The following SCHIP1 variants were observed in gnomAD, a reference collection of about 807,000 sequenced individuals.
SCHIP1 encodes schwannomin interacting protein 1, also known as schwannomin-interacting protein 1.
In SCHIP1, 8 loss-of-function variants were observed where a neutral mutation model predicts 29.7. That is an observed-to-expected ratio of 0.27 (90% CI 0.16 to 0.49). The LOEUF is 0.49. Among genes scored for constraint, SCHIP1 ranks in the 20% least tolerant of loss-of-function variants. The probability of loss-of-function intolerance (pLI) is 0.99; values close to 1 mark genes in which losing one functional copy is unlikely to be tolerated. For synonymous variants in SCHIP1, 76 were observed against 94.9 expected (o/e 0.80, Z 1.16); for missense variants, 193 against 294.6 (o/e 0.66, Z 2.52).
the SCHIP1 span, among the ~76,000 whole-genome samples, chr3:159,315,289 C>G: frequency 2.6e-5 from 4 of 150,974 alleles, no homozygotes; most frequent in Admixed American, 6.6e-5. Flanking sequence ...AGCTCCGCCT[C>G]CCGGGTTCAC....
At chr3:159,365,905 C>A in the SCHIP1 span, among the ~76,000 whole-genome samples, 3 of 152,160 alleles carry the variant, frequency 2.0e-5, no homozygotes, top group Non-Finnish European at 4.4e-5. Flanking sequence ...ATCCTTTTGG[C>A]AGGCTTTTCT....
At chr3:159,789,368 T>C in the SCHIP1 span, among the ~76,000 whole-genome samples, 5 of 152,216 alleles carry the variant, frequency 3.3e-5, no homozygotes, top group African/African-American at 9.7e-5. Flanking sequence ...TTACTTAGAA[T>C]TGACTGATTT....
chr3:159,804,414 T>C, the SCHIP1 span, among the ~76,000 whole-genome samples: 1 of 152,150 alleles, frequency 6.6e-6, no homozygotes, highest in Non-Finnish European at 1.5e-5. Flanking sequence ...GCTAAGGACA[T>C]GGTAAGGAAA....
At chr3:159,796,897 C>T in the SCHIP1 span, among the ~76,000 whole-genome samples, 5 of 152,154 alleles carry the variant, frequency 3.3e-5, no homozygotes, top group African/African-American at 7.2e-5. Context: ...TGTCTTTCTT[C>T]CCGATGATGT....
chr3:159,674,378 T>C, the SCHIP1 span, among the ~76,000 whole-genome samples: 1 of 152,082 alleles, frequency 6.6e-6, no homozygotes, highest in African/African-American at 2.4e-5. Flanking sequence ...TTACAGAAAG[T>C]GCCCCTGAGA....
chr3:159,548,877 G>A, the SCHIP1 span, among the ~76,000 whole-genome samples: 2 of 151,966 alleles, frequency 1.3e-5, no homozygotes, highest in Admixed American at 6.6e-5. Flanking sequence ...GTTATCTCAG[G>A]TTTAGTCACC....
chr3:159,400,562 T>C, the SCHIP1 span, among the ~76,000 whole-genome samples: 1 of 152,234 alleles, frequency 6.6e-6, no homozygotes, highest in African/African-American at 2.4e-5. Context: ...TGTCTGTTAT[T>C]GGAGCTGTTG....
chr3:159,687,027 A>G, the SCHIP1 span, among the ~76,000 whole-genome samples: 775 of 152,200 alleles, frequency 5.1e-3, 10 homozygotes, highest in Admixed American at 0.024. Flanking sequence ...ACTCCTGTCA[A>G]TCTCAACTAT....
chr3:159,445,718 T>TC, the SCHIP1 span, among the ~76,000 whole-genome samples: 1 of 152,066 alleles, frequency 6.6e-6, no homozygotes, highest in African/African-American at 2.4e-5. Context: ...TGAGTTCATG[T>TC]CTTTGTAGGG....
At chr3:159,629,215 G>T in the SCHIP1 span, among the ~76,000 whole-genome samples, 1 of 151,730 alleles carries the variant, frequency 6.6e-6, no homozygotes, top group East Asian at 1.9e-4. Flanking sequence ...GGAGGTCCAG[G>T]CTGCAGTGAC....
the SCHIP1 span, among the ~76,000 whole-genome samples, chr3:159,641,477 T>C: frequency 6.6e-6 from 1 of 152,176 alleles, no homozygotes; most frequent in Non-Finnish European, 1.5e-5. Context: ...ATCAATTTCA[T>C]GGAGATGAGT....
At chr3:159,882,260 C>G (rs1200091651) in intron 2 of SCHIP1, among the ~76,000 whole-genome samples, 1 of 152,102 alleles carries the variant, frequency 6.6e-6, no homozygotes, top group Non-Finnish European at 1.5e-5. Flanking sequence ...GATTATACAG[C>G]CCCGGGAGAG....
At chr3:159,663,582 A>T in the SCHIP1 span, among the ~76,000 whole-genome samples, 1 of 152,294 alleles carries the variant, frequency 6.6e-6, no homozygotes, top group Admixed American at 6.5e-5. Flanking sequence ...AACAGTACCT[A>T]ACTCAGTGTT....
chr3:159,405,906 G>A, the SCHIP1 span, among the ~76,000 whole-genome samples: 2 of 147,710 alleles, frequency 1.4e-5, no homozygotes, highest in South Asian at 2.1e-4. Context: ...GAAAAGAAAA[G>A]GAAAATGCAC....
At chr3:159,626,161 TCTAGATATATCTATCTATCTAG>T in the SCHIP1 span, among the ~76,000 whole-genome samples, 867 of 110,112 alleles carry the variant, frequency 7.9e-3, 87 homozygotes, top group African/African-American at 0.048. Context: ...TATATATATA[TCTAGATATATCTATCTATCTAG>T]ATAGATAGAT....
At chr3:159,479,621 T>C in the SCHIP1 span, among the ~76,000 whole-genome samples, 2 of 152,282 alleles carry the variant, frequency 1.3e-5, no homozygotes, top group South Asian at 4.1e-4. Context: ...TCAATTTCAT[T>C]TTGCACTGGA....
the SCHIP1 span, among the ~76,000 whole-genome samples, chr3:159,495,472 C>T: frequency 6.6e-6 from 1 of 152,276 alleles, no homozygotes; most frequent in South Asian, 2.1e-4. Context: ...CACAGACAAA[C>T]AGAGAGCCAA....
At chr3:159,275,138 TG>T in the SCHIP1 span, 1 of 893,502 alleles carries the variant, frequency 1.1e-6, no homozygotes, top group Non-Finnish European at 1.3e-6. Flanking sequence ...TTGTCATCTT[TG>T]CTCAATAGAT....
chr3:159,630,764 C>T, the SCHIP1 span, among the ~76,000 whole-genome samples: 8 of 152,210 alleles, frequency 5.3e-5, no homozygotes, highest in South Asian at 4.1e-4. Context: ...AAATTAGGTA[C>T]GGTGTACACT....
Sources: allele counts gnomAD v4.1 joint callset (sites outside exome capture counted in the v4.1 genomes callset), GRCh38; gene constraint gnomAD v4.1.1; transcripts MANE v1.5; gene names NCBI Gene and HGNC (gene_info 2026-07-23, HGNC 2026-07-21).